Variants in NECTIN2 observed in about 807,000 individuals in gnomAD.
NECTIN2 encodes nectin cell adhesion molecule 2.
Under a neutral mutation model 56.9 loss-of-function variants are expected in NECTIN2, and 23 were observed. The observed-to-expected ratio is 0.40, with a 90% CI of 0.29 to 0.57. The LOEUF (loss-of-function observed/expected upper bound fraction) is 0.57. Among genes scored for constraint, NECTIN2 ranks in the 20% least tolerant of loss-of-function variants. NECTIN2 has a pLI of 0.38. For missense variants in NECTIN2, 587 were observed against 718.3 expected (o/e 0.82, Z 2.09); for synonymous variants, 302 against 313.8 (o/e 0.96, Z 0.40).
chr19:44,852,583 G>A (rs894326695), intron 1 of NECTIN2, among the ~76,000 whole-genome samples: 1 of 151,668 alleles, frequency 6.6e-6, no homozygotes, highest in Non-Finnish European at 1.5e-5. Context: ...TCTGTGCAGA[G>A]GAGGGCGTGT....
intron 1 of NECTIN2, among the ~76,000 whole-genome samples, chr19:44,849,163 T>C (rs941065113): frequency 1.3e-5 from 2 of 150,768 alleles, no homozygotes; most frequent in African/African-American, 2.5e-5. Flanking sequence ...GAGACACGTG[T>C]AGGAATGGAA....
chr19:44,874,289 C>A lies in NECTIN2; in HGVS notation c.894-41C>A, dbSNP rs148767211. ...AGGGATGAGGCCTGTGCTCCCCTCT[C>A]GACCTTGGTATCCCTCTCACCTGAC... On this transcript the variant is annotated intron_variant, in intron 4 of 8. Transcript: ENST00000252483. This position sits in a 1 kb window ranked among gnomAD's most constrained non-coding sequence, Gnocchi z 6.3. 1.9e-6 allele frequency: 3 copies of A among 1,600,890 alleles called. No homozygotes were observed. In the East Asian group the frequency reaches 6.7e-5, roughly 36 times the overall value.
intron 2 of NECTIN2, among the ~76,000 whole-genome samples, chr19:44,866,865 G>A (rs941703402): frequency 6.6e-6 from 1 of 152,068 alleles, no homozygotes; most frequent in African/African-American, 2.4e-5. Context: ...AAACCACAGG[G>A]TAAGGCAACT....
rs545950313 is a variant in NECTIN2 at position 44,865,553 on chromosome 19, C to T, written c.371C>T (p.Thr124Met). The T allele has an allele frequency of 3.2e-6, 5 of 1,565,188 alleles. No homozygotes were observed. The highest frequency in any genetic ancestry group is 2.3e-5 in the South Asian group (2 of 86,230). Residue 124 changes from threonine (T) to methionine (M), a missense_variant, in exon 2 of 9, where the codon ACG (threonine) becomes ATG (methionine). Transcript: ENST00000252483. The surrounding 1 kb of genome is among the most constrained non-coding windows in gnomAD (Gnocchi z 5.2). ...QDTEAELQDA[T>M]LALHGLTVED... ...ACAGAGGCAGAGCTCCAGGACGCCA[C>T]GCTGGCCCTCCACGGGCTCACGGTG...
chr19:44,867,754 A>T (rs1037635157), intron 2 of NECTIN2, among the ~76,000 whole-genome samples: 1 of 152,164 alleles, frequency 6.6e-6, no homozygotes, highest in Non-Finnish European at 1.5e-5. Flanking sequence ...GGGCCACATT[A>T]CACGGGCTTC....
At position 44,878,494 on chromosome 19, in the gene NECTIN2, G is replaced by T. The variant is rs758549481; in HGVS notation, c.1043-3717G>T. On this transcript the variant is annotated intron_variant, in intron 5 of 8. Transcript: ENST00000252483. Reference sequence around the variant, plus strand: ...CCATGGAACCAGATGGCAAGGATGAGGAGGAGGAGGAGGAGGAAGAGAAGG... The same window carrying T: ...CCATGGAACCAGATGGCAAGGATGATGAGGAGGAGGAGGAGGAAGAGAAGG... The T allele has an allele frequency of 2.1e-5, 31 of 1,496,594 alleles. No individual in the cohort carries two copies. The South Asian group carries it at 3.8e-4, about 18-fold the overall frequency. 92.7% of individuals were successfully genotyped at this position (1,496,594 alleles called of 1,614,324 possible).
Position 44,884,456 on chromosome 19 carries a change from G to C in NECTIN2, c.1197-1481G>C, listed in dbSNP as rs150172674. 1.2e-3 allele frequency among the ~76,000 whole-genome samples: 181 copies of C among 152,204 alleles called. 1 individual carries two copies. The highest frequency in any genetic ancestry group is 3.8e-3 in the African/African-American group (158 of 41,538). ...AGGCGTGAGCCACCATGCCCAGCCT[G>C]GAATCTGTATTTACCACAAGCTCTC... is the stretch of plus-strand genomic sequence containing the variant. On this transcript the variant is annotated intron_variant, in intron 6 of 8. Transcript: ENST00000252483.
At chr19:44,884,486 T>C (rs1969339165) in intron 6 of NECTIN2, among the ~76,000 whole-genome samples, 1 of 152,080 alleles carries the variant, frequency 6.6e-6, no homozygotes, top group African/African-American at 2.4e-5. Context: ...GCTCTCTAAG[T>C]TTTTCTGATG....
intron 2 of NECTIN2, among the ~76,000 whole-genome samples, chr19:44,868,901 G>C (rs1049210597): frequency 6.9e-6 from 1 of 145,118 alleles, no homozygotes; most frequent in African/African-American, 2.6e-5. Context: ...GACAGAGTGA[G>C]ACTCTGTCTG....
At chr19:44,868,351 C>CAA (rs569384558) in intron 2 of NECTIN2, among the ~76,000 whole-genome samples, 19 of 80,762 alleles carry the variant, frequency 2.4e-4, no homozygotes, top group African/African-American at 7.2e-4. Context: ...GACCCTGTCT[C>CAA]AAAAAAAAAA....
At chr19:44,887,518 G>A (rs958319818) in intron 8 of NECTIN2, among the ~76,000 whole-genome samples, 24 of 149,532 alleles carry the variant, frequency 1.6e-4, no homozygotes, top group Admixed American at 1.3e-3. Flanking sequence ...GGTGGCGGGC[G>A]CCTGTAATCC....
chr19:44,887,691 T>C (rs1969376378), intron 8 of NECTIN2, among the ~76,000 whole-genome samples: 1 of 152,106 alleles, frequency 6.6e-6, no homozygotes, highest in Non-Finnish European at 1.5e-5. Flanking sequence ...TATCTACATT[T>C]GCTGGATACT....
intron 2 of NECTIN2, among the ~76,000 whole-genome samples, chr19:44,871,093 T>C (rs79074020): frequency 0.14 from 21,807 of 152,122 alleles, 1,913 homozygotes; most frequent in African/African-American, 0.24. Flanking sequence ...CTCAAATTCC[T>C]GGCCTCAAGT....
Position 44,865,777 on chromosome 19 carries a change from TC to T in NECTIN2, c.478+119del. On this transcript the variant is annotated intron_variant, in intron 2 of 8. Coordinates refer to ENST00000252483, the MANE Select transcript of NECTIN2 (RefSeq NM_001042724.2). This position sits in a 1 kb window ranked among gnomAD's most constrained non-coding sequence, Gnocchi z 5.2. ...GTGAGGTTCACATTCTCTGTGGGTT[TC>T]CATCCATCAGCAAATGTTCATTAAG... 8.3e-7 allele frequency: 1 copy of T among 1,199,876 alleles called. No individual in the cohort carries two copies. Among genetic ancestry groups the T allele is most frequent in the Non-Finnish European group, 1.1e-6 (1 of 888,916 alleles). 74.3% of individuals were successfully genotyped at this position (1,199,876 alleles called of 1,614,324 possible). A position where few individuals can be genotyped will look rare whatever the true frequency, so the allele number is the denominator to read the frequency against.
At chr19:44,864,011 T>TTCC (rs1425954093) in intron 1 of NECTIN2, among the ~76,000 whole-genome samples, 2 of 50,322 alleles carry the variant, frequency 4.0e-5, no homozygotes, top group African/African-American at 1.1e-4. Flanking sequence ...TTTCAGAGGA[T>TTCC]TCCCCCCCCC....
chr19:44,874,336 A>G lies in NECTIN2; in HGVS notation c.900A>G (p.Ser300=). ...TGACCCCACACCCCTCCAGGACCTC[A>G]GGCACCTTCCCGACCTCCGCAGTGG... ...EPTGYDWSTT[S]GTFPTSAVAQ... is the part of the protein sequence containing the mutation. Residue 300 remains serine, a synonymous_variant, in exon 5 of 9, where the codon TCA becomes TCG. Coordinates refer to ENST00000252483, the MANE Select transcript of NECTIN2 (RefSeq NM_001042724.2). The surrounding 1 kb of genome is among the most constrained non-coding windows in gnomAD (Gnocchi z 6.3). 6.2e-7 allele frequency: 1 copy of G among 1,613,980 alleles called. No homozygotes were observed. The highest frequency in any genetic ancestry group is 8.5e-7 in the Non-Finnish European group (1 of 1,179,916).
chr19:44,882,085 G>A (rs1969313808), intron 5 of NECTIN2, 126 bp from the exon 6 acceptor site: 3 of 843,770 alleles, frequency 3.6e-6, no homozygotes, highest in Non-Finnish European at 4.9e-6. Context: ...TTGAATGAAA[G>A]AATGTCCCCT....
At chr19:44,873,329 C>T (rs979127192) in intron 3 of NECTIN2, among the ~76,000 whole-genome samples, 12 of 152,182 alleles carry the variant, frequency 7.9e-5, no homozygotes, top group Non-Finnish European at 1.8e-4. Flanking sequence ...CATCCTCCCT[C>T]CATGCCAAAA....
At chr19:44,881,075 GC>G (rs34994196) in intron 5 of NECTIN2, among the ~76,000 whole-genome samples, 75,778 of 151,112 alleles carry the variant, frequency 0.5, 19,899 homozygotes, top group East Asian at 0.89. Flanking sequence ...CGCCCGGCTA[GC>G]CCCCGGCTAA....
Sources: gnomAD v4.1 joint callset for allele counts (sites outside exome capture counted in the v4.1 genomes callset) on GRCh38, gnomAD v4.1.1 for gene constraint, Gnocchi (gnomAD v3.1) non-coding constraint, MANE v1.5 for transcripts, NCBI Gene and HGNC (gene_info 2026-07-23, HGNC 2026-07-21) for gene names.